Variants in SNW1 observed in about 807,000 individuals in gnomAD.
SNW1 encodes the protein SNW domain-containing protein 1.
A neutral mutation model predicts 75.6 loss-of-function variants in SNW1; 9 were observed. The observed-to-expected ratio is 0.12, with a 90% CI of 0.07 to 0.21. The LOEUF (loss-of-function observed/expected upper bound fraction) is 0.21. SNW1 is among the 10% of genes least tolerant of loss of function. SNW1 has a pLI of 1.00. For missense variants in SNW1, 409 were observed against 670.9 expected (o/e 0.61, Z 4.31); for synonymous variants, 200 against 219.1 (o/e 0.91, Z 0.77).
Position 77,737,128 on chromosome 14 carries a change from G to T in SNW1, c.534-53C>A. The T allele has an allele frequency of 6.3e-6, 8 of 1,276,404 alleles. No homozygotes were observed. The South Asian group carries it at 9.6e-5, about 15-fold the overall frequency. 79.1% of individuals were successfully genotyped at this position (1,276,404 alleles called of 1,614,324 possible). ...TGTAATTAGTTCAAGCTTTCAGTAG[G>T]TATTTTCCTTCTATTACAATCTTAA... On this transcript the variant is annotated intron_variant, in intron 5 of 13. Transcript: ENST00000261531.
chr14:77,745,646 G>A (rs916898541), intron 3 of SNW1, among the ~76,000 whole-genome samples: 2 of 152,176 alleles, frequency 1.3e-5, no homozygotes, highest in Admixed American at 6.5e-5. Flanking sequence ...GGCTGAGGTC[G>A]CAGTGAGCTG....
intron 1 of SNW1, among the ~76,000 whole-genome samples, chr14:77,755,745 T>C (rs1293306710): frequency 1.8e-5 from 2 of 109,178 alleles, no homozygotes; most frequent in African/African-American, 4.5e-5. Flanking sequence ...ATTTCTTTCC[T>C]TTTTTTTTTT....
At chr14:77,729,439 T>C (rs176978) in intron 10 of SNW1, among the ~76,000 whole-genome samples, 139,277 of 152,188 alleles carry the variant, frequency 0.92, 63,943 homozygotes, top group East Asian at 1. Context: ...CTCTTGTTAC[T>C]ATCTCTCTTA....
At chr14:77,724,824 C>T (rs1368237249) in intron 10 of SNW1, among the ~76,000 whole-genome samples, 3 of 152,116 alleles carry the variant, frequency 2.0e-5, no homozygotes, top group African/African-American at 7.2e-5. Context: ...TGCAGATATC[C>T]CTTTTTGATT....
At chr14:77,747,329 C>T (rs971380981) in intron 3 of SNW1, among the ~76,000 whole-genome samples, 4 of 152,254 alleles carry the variant, frequency 2.6e-5, no homozygotes, top group Admixed American at 6.5e-5. Context: ...AGCCTCTGCC[C>T]GGCCGCCACC....
intron 1 of SNW1, among the ~76,000 whole-genome samples, chr14:77,759,308 C>T (rs1012754348): frequency 2.6e-5 from 4 of 152,028 alleles, no homozygotes; most frequent in African/African-American, 9.7e-5. Flanking sequence ...AAGCCCAGTT[C>T]AAGACCAGGC....
At chr14:77,739,642 C>CTA (rs959779795) in intron 3 of SNW1, among the ~76,000 whole-genome samples, 1 of 151,676 alleles carries the variant, frequency 6.6e-6, no homozygotes, top group Non-Finnish European at 1.5e-5. Context: ...AAAATATATT[C>CTA]TATATATACA....
At position 77,755,136 on chromosome 14, in the gene SNW1, A is replaced by G; in HGVS notation, c.15-16T>C. ...AGGTAAAAAGCTATAAGCAAAGATA[A>G]TAAAAGTCAGAAATTTAAAAAACTC... On this transcript the variant is annotated splice_polypyrimidine_tract_variant and intron_variant, in intron 1 of 13. Coordinates refer to ENST00000261531, the MANE Select transcript of SNW1 (RefSeq NM_012245.3). 1 of 1,603,322 alleles carries G rather than the reference A, an allele frequency of 6.2e-7. No individual in the cohort carries two copies. The highest frequency in any genetic ancestry group is 8.5e-7 in the Non-Finnish European group (1 of 1,177,088).
chr14:77,718,006 AC>A lies in SNW1; in HGVS notation c.*81del, dbSNP rs1162337713. 2 of 1,337,818 alleles carry A rather than the reference AC, an allele frequency of 1.5e-6. No individual in the cohort carries two copies. The allele number at this position is 1,337,818 out of a possible 1,614,324, so 82.9% of individuals were successfully genotyped here. On this transcript the variant is annotated 3_prime_UTR_variant, in exon 14 of 14. Transcript: ENST00000261531. Reference sequence around the variant, plus strand: ...GCACCCAGATTTGGTTTTTATCCTGACCATTTACAAAGTGTTCCCCCATATG... The same window carrying A: ...GCACCCAGATTTGGTTTTTATCCTGACATTTACAAAGTGTTCCCCCATATG...
At chr14:77,745,821 T>G (rs1316887256) in intron 3 of SNW1, among the ~76,000 whole-genome samples, 3 of 152,064 alleles carry the variant, frequency 2.0e-5, no homozygotes, top group Non-Finnish European at 4.4e-5. Flanking sequence ...CTCAGGAGTT[T>G]GAGACCAGCC....
chr14:77,747,757 C>G (rs1420979128), intron 3 of SNW1, among the ~76,000 whole-genome samples: 1 of 150,288 alleles, frequency 6.7e-6, no homozygotes, highest in African/African-American at 2.5e-5. Context: ...GAGGTGGGGG[C>G]CAGCCCCTGC....
At chr14:77,718,317 C>T (rs768863949) in intron 13 of SNW1, 31 bp from the exon 14 acceptor site, 1 of 1,614,150 alleles carries the variant, frequency 6.2e-7, no homozygotes, top group South Asian at 1.1e-5. Context: ...CTATGAACTA[C>T]TTTGCTTTCA....
chr14:77,760,425 G>A (rs778651725), intron 1 of SNW1, among the ~76,000 whole-genome samples: 1 of 152,162 alleles, frequency 6.6e-6, no homozygotes, highest in Non-Finnish European at 1.5e-5. Context: ...TAGGAGTAGC[G>A]TAACTTCTCG....
chr14:77,743,516 C>G (rs1411669999), intron 3 of SNW1, among the ~76,000 whole-genome samples: 2 of 152,156 alleles, frequency 1.3e-5, no homozygotes, highest in African/African-American at 2.4e-5. Flanking sequence ...TGAAGAATAC[C>G]AGACCTCTCG....
intron 3 of SNW1, among the ~76,000 whole-genome samples, chr14:77,743,311 T>C (rs1343942659): frequency 2.0e-5 from 3 of 152,194 alleles, no homozygotes; most frequent in African/African-American, 7.2e-5. Flanking sequence ...AAAAACTTTT[T>C]CATCCCCAAT....
At chr14:77,722,394 G>A in intron 11 of SNW1, 1 of 368,394 alleles carries the variant, frequency 2.7e-6, no homozygotes, top group Non-Finnish European at 5.4e-6. Context: ...TCCTAAAAAT[G>A]AGCTGATTTT....
chr14:77,718,556 T>A (rs1199146837), intron 12 of SNW1, 26 bp from the exon 13 acceptor site: 1 of 1,435,788 alleles, frequency 7.0e-7, no homozygotes, highest in East Asian at 2.3e-5. Flanking sequence ...TGACATTAAA[T>A]AAAAGTGTAA....
chr14:77,726,470 T>G (rs176972), intron 10 of SNW1, among the ~76,000 whole-genome samples: 73,367 of 151,918 alleles, frequency 0.48, 17,942 homozygotes, highest in East Asian at 0.68. Flanking sequence ...CTTCAATTAC[T>G]TTCATCAGTC....
At chr14:77,756,430 C>T (rs1214209417) in intron 1 of SNW1, among the ~76,000 whole-genome samples, 1 of 152,190 alleles carries the variant, frequency 6.6e-6, no homozygotes, top group East Asian at 1.9e-4. Flanking sequence ...CGCCTGGCTA[C>T]TCCTTGTTTT....
Sources: allele counts gnomAD v4.1 joint callset (sites outside exome capture counted in the v4.1 genomes callset), GRCh38; gene constraint gnomAD v4.1.1; transcripts MANE v1.5; gene names NCBI Gene and HGNC (gene_info 2026-07-23, HGNC 2026-07-21).